ZNF675: variants seen among roughly 807,000 people sequenced by gnomAD.
The protein encoded by ZNF675 is zinc finger protein 675.
ZNF675 carries 36 observed loss-of-function variants against 56.1 expected under a neutral mutation model. That is an observed-to-expected ratio of 0.64 (90% CI 0.49 to 0.85). ZNF675 has a LOEUF of 0.85. ZNF675 is among the 40% of genes least tolerant of loss of function. The pLI is 0.00. For missense variants in ZNF675, 663 were observed against 654.2 expected, an observed-to-expected ratio of 1.01 and a Z score of -0.15; for synonymous variants, 200 against 218.9, an observed-to-expected ratio of 0.91 and a Z score of 0.76.
chr19:23,685,586 C>T (rs1200453689), intron 1 of ZNF675, among the ~76,000 whole-genome samples: 4 of 151,964 alleles, frequency 2.6e-5, no homozygotes, highest in Admixed American at 6.6e-5. Flanking sequence ...AAAAATGAGG[C>T]GAAAAGATTT....
At chr19:23,665,758 C>G (rs376107862) in intron 1 of ZNF675, among the ~76,000 whole-genome samples, 1 of 152,058 alleles carries the variant, frequency 6.6e-6, no homozygotes, top group African/African-American at 2.4e-5. Flanking sequence ...CTTGGCCTCC[C>G]AAAGTGCTGG....
Position 23,655,342 on chromosome 19 carries a change from G to A in ZNF675, c.227-636C>T, listed in dbSNP as rs559866510. ...AAAAGGTTTATTTGGCTCACAGTTC[G>A]GCAGACTGTACAAAAAGCATGTGCC... On this transcript the variant is annotated intron_variant, in intron 3 of 3. Coordinates refer to ENST00000359788, the MANE Select transcript of ZNF675 (RefSeq NM_138330.3). 6.7e-4 allele frequency: 103 copies of A among 152,900 alleles called. 1 individual carries two copies. In the South Asian group the frequency reaches 0.018, roughly 27 times the overall value. The allele number at this position is 152,900 out of a possible 1,614,324, so 9.5% of individuals were successfully genotyped here.
At chr19:23,666,281 T>C (rs958868543) in intron 1 of ZNF675, among the ~76,000 whole-genome samples, 1 of 152,232 alleles carries the variant, frequency 6.6e-6, no homozygotes, top group Admixed American at 6.5e-5. Flanking sequence ...AAGTGACACT[T>C]TGTAACTTCA....
In ZNF675 at chr19:23,654,479, C is replaced by T; in HGVS notation, c.454G>A (p.Val152Ile). 6.2e-7 allele frequency: 1 copy of T among 1,602,046 alleles called. No individual in the cohort carries two copies. The highest frequency in any genetic ancestry group is 1.1e-5 in the South Asian group (1 of 89,194). ...KMFQCDKYVK[V>I]FNKFSHSDRH... Reference sequence around the variant, plus strand: ...TCTGAATGTGAAAATTTATTAAAGACTTTCACATATTTATCACATTGAAAC... The same window carrying T: ...TCTGAATGTGAAAATTTATTAAAGATTTTCACATATTTATCACATTGAAAC... Residue 152 changes from valine to isoleucine, a missense_variant, in exon 4 of 4, where the codon GTC becomes ATC. Around this residue, in one of 3 missense-constraint regions of ZNF675, gnomAD observed 617 missense variants for 590.5 expected, o/e 1.04. Coordinates refer to ENST00000359788, the MANE Select transcript of ZNF675 (RefSeq NM_138330.3).
chr19:23,673,144 TAA>T (rs1209238783), intron 1 of ZNF675, among the ~76,000 whole-genome samples: 1 of 152,196 alleles, frequency 6.6e-6, no homozygotes, highest in Non-Finnish European at 1.5e-5. Flanking sequence ...TTCCCAGATA[TAA>T]GTTTTTTAAT....
chr19:23,675,523 G>A (rs945429083), intron 1 of ZNF675, among the ~76,000 whole-genome samples: 3 of 147,822 alleles, frequency 2.0e-5, no homozygotes, highest in African/African-American at 5.0e-5. Context: ...ACCACAGCTT[G>A]ATAAAAATAT....
At chr19:23,678,503 G>A (rs1490641246) in intron 1 of ZNF675, among the ~76,000 whole-genome samples, 3 of 149,854 alleles carry the variant, frequency 2.0e-5, no homozygotes, top group Non-Finnish European at 4.4e-5. Context: ...CACCCACCTC[G>A]GCCTCCCAAA....
intron 1 of ZNF675, among the ~76,000 whole-genome samples, chr19:23,675,742 AG>A: frequency 6.6e-6 from 1 of 151,896 alleles, no homozygotes; most frequent in South Asian, 2.1e-4. Flanking sequence ...TCACATCAAA[AG>A]GTAGAAATAT....
intron 3 of ZNF675, 180 bp downstream of exon 3, chr19:23,661,934 G>C (rs997681167): frequency 3.8e-6 from 2 of 525,368 alleles, no homozygotes; most frequent in Non-Finnish European, 6.8e-6. Flanking sequence ...AAACCTTAGA[G>C]AATTTAAAAG....
At position 23,686,980 on chromosome 19, in the gene ZNF675, G is replaced by A. The variant is rs370499450; in HGVS notation, c.3+51C>T. 34 of 1,612,088 alleles carry A rather than the reference G, an allele frequency of 2.1e-5. No individual in the cohort carries two copies. In the African/African-American group the frequency reaches 4.1e-4, roughly 20 times the overall value. ...GTCCCGCCATAGCCATTTCCCACGGGTTCCAACCAGCCCCTTCCCCCTCTC... is the reference window on the plus strand; with the variant it reads ...GTCCCGCCATAGCCATTTCCCACGGATTCCAACCAGCCCCTTCCCCCTCTC... On this transcript the variant is annotated intron_variant, in intron 1 of 3. Coordinates refer to ENST00000359788, the MANE Select transcript of ZNF675 (RefSeq NM_138330.3).
At chr19:23,677,706 CAAAAAA>C (rs34806137) in intron 1 of ZNF675, among the ~76,000 whole-genome samples, 1 of 80,722 alleles carries the variant, frequency 1.2e-5, no homozygotes. Context: ...GACTCCGTCT[CAAAAAA>C]AAAAAAAAAA....
intron 3 of ZNF675, chr19:23,658,631 G>A (rs1243185394): frequency 6.6e-6 from 1 of 151,962 alleles, no homozygotes; most frequent in African/African-American, 2.4e-5. Flanking sequence ...AGTAAGCAGA[G>A]ATTGTACCAC....
chr19:23,685,218 A>G (rs1353271971), intron 1 of ZNF675, among the ~76,000 whole-genome samples: 2 of 151,878 alleles, frequency 1.3e-5, no homozygotes, highest in African/African-American at 2.4e-5. Flanking sequence ...ACCGCCTCAG[A>G]CTCCCAAAGT....
chr19:23,677,003 G>C (rs1427185311), intron 1 of ZNF675, among the ~76,000 whole-genome samples: 2 of 150,554 alleles, frequency 1.3e-5, no homozygotes, highest in Non-Finnish European at 2.9e-5. Context: ...CGTTAACCCG[G>C]GAGGTGGAGC....
At chr19:23,670,717 T>G (rs1271763300) in intron 1 of ZNF675, among the ~76,000 whole-genome samples, 1 of 152,076 alleles carries the variant, frequency 6.6e-6, no homozygotes, top group African/African-American at 2.4e-5. Flanking sequence ...TCTATATAAC[T>G]GATACGCAAC....
intron 1 of ZNF675, 46 bp from the exon 2 acceptor site, chr19:23,663,204 A>C (rs769634971): frequency 6.4e-7 from 1 of 1,571,828 alleles, no homozygotes; most frequent in East Asian, 2.3e-5. Flanking sequence ...TAGCCAACAG[A>C]GATTATAATT....
At chr19:23,679,216 A>C (rs1476585428) in intron 1 of ZNF675, among the ~76,000 whole-genome samples, 1 of 151,066 alleles carries the variant, frequency 6.6e-6, no homozygotes, top group Non-Finnish European at 1.5e-5. Context: ...TATTTAAATA[A>C]TCTTATTAAA....
chr19:23,671,633 G>A (rs182815331), intron 1 of ZNF675, among the ~76,000 whole-genome samples: 69 of 151,930 alleles, frequency 4.5e-4, no homozygotes, highest in African/African-American at 1.6e-3. Flanking sequence ...GAAGACTGAA[G>A]GGGCCTGGGA....
Position 23,658,991 on chromosome 19 carries a change from C to CTATAGATATAGATCTATAGATA in ZNF675, c.226+3122_226+3123insTATCTATAGATCTATATCTATA, listed in dbSNP as rs1568289341. 2.6e-4 allele frequency among the ~76,000 whole-genome samples: 34 copies of CTATAGATATAGATCTATAGATA among 132,632 alleles called. 1 individual carries two copies. Among genetic ancestry groups the CTATAGATATAGATCTATAGATA allele is most frequent in the African/African-American group, 9.2e-4 (32 of 34,682 alleles). 87.0% of individuals were successfully genotyped at this position (132,632 alleles called of 152,430 possible). ...TAGATATAGATCTAGAGATAGAGATCGAGATCTATATATATAAAATGTTAA... is the reference window on the plus strand; with the variant it reads ...TAGATATAGATCTAGAGATAGAGATCTATAGATATAGATCTATAGATAGAGATCTATATATATAAAATGTTAA... On this transcript the variant is annotated intron_variant, in intron 3 of 3. Transcript: ENST00000359788.
Sources: allele counts gnomAD v4.1 joint callset (sites outside exome capture counted in the v4.1 genomes callset), GRCh38; gene constraint gnomAD v4.1.1; regional missense constraint gnomAD v4.1.1; transcripts MANE v1.5; gene names NCBI Gene and HGNC (gene_info 2026-07-23, HGNC 2026-07-21).